The following CYS1 variants were observed in gnomAD, a reference collection of about 807,000 sequenced individuals.
The protein encoded by CYS1 is cystin-1.
Under a neutral mutation model 9.6 loss-of-function variants are expected in CYS1, and 5 were observed. That is an observed-to-expected ratio of 0.52 (90% CI 0.27 to 1.10). The LOEUF is 1.10. CYS1 is among the 50% of genes least tolerant of loss of function. The probability of loss-of-function intolerance (pLI) is 0.11; values close to 1 mark genes in which losing one functional copy is unlikely to be tolerated. For synonymous variants in CYS1, 88 were observed against 95.7 expected (o/e 0.92, Z 0.47); for missense variants, 221 against 207.9 (o/e 1.06, Z -0.39).
Position 10,076,073 on chromosome 2 carries a change from C to T in CYS1, c.318+3833G>A, listed in dbSNP as rs1043261245. 2.0e-5 allele frequency among the ~76,000 whole-genome samples: 3 copies of T among 152,132 alleles called. No homozygotes were observed. Among genetic ancestry groups the T allele is most frequent in the African/African-American group, 7.2e-5 (3 of 41,410 alleles). ...GCGTGGTGGCATGCTCCTATAGTCC[C>T]AGCTACTCGGGATGCTGAGACAGGA... On this transcript the variant is annotated intron_variant, in intron 1 of 2. Transcript: ENST00000381813. The surrounding 1 kb of genome is among the most constrained non-coding windows in gnomAD (Gnocchi z 4.3).
intron 2 of CYS1, among the ~76,000 whole-genome samples, chr2:10,065,655 C>T (rs945548107): frequency 1.3e-5 from 2 of 152,236 alleles, no homozygotes; most frequent in African/African-American, 2.4e-5. Context: ...GTTGGGCATG[C>T]CCTGGTCTGA....
At chr2:10,077,798 A>G (rs554943994) in intron 1 of CYS1, among the ~76,000 whole-genome samples, 1 of 152,216 alleles carries the variant, frequency 6.6e-6, no homozygotes, top group South Asian at 2.1e-4. Flanking sequence ...TATTCAAGAA[A>G]TATTTATGGT....
intron 1 of CYS1, among the ~76,000 whole-genome samples, chr2:10,075,270 G>A (rs148437269): frequency 2.0e-5 from 3 of 152,364 alleles, no homozygotes; most frequent in African/African-American, 4.8e-5. Flanking sequence ...TGCCTCGGGT[G>A]GGATTCCCAC....
chr2:10,079,828 C>T (rs1322822882), intron 1 of CYS1, 78 bp downstream of exon 1: 13 of 942,378 alleles, frequency 1.4e-5, no homozygotes, highest in Non-Finnish European at 1.7e-5. Context: ...CGACCGGCGC[C>T]CAGGGCTGGG....
At chr2:10,079,446 G>A (rs960898875) in intron 1 of CYS1, among the ~76,000 whole-genome samples, 2 of 152,234 alleles carry the variant, frequency 1.3e-5, no homozygotes, top group Admixed American at 6.5e-5. Flanking sequence ...AATAGGAAGC[G>A]CAAAAGAGAT....
rs555897665 is a variant in CYS1 at position 10,063,248 on chromosome 2, G to A, written c.371+2656C>T. 6.6e-5 allele frequency among the ~76,000 whole-genome samples: 10 copies of A among 152,322 alleles called. No individual in the cohort carries two copies. The highest frequency in any genetic ancestry group is 2.4e-4 in the African/African-American group (10 of 41,576). On this transcript the variant is annotated intron_variant, in intron 2 of 2. Transcript: ENST00000381813. This position sits in a 1 kb window ranked among gnomAD's most constrained non-coding sequence, Gnocchi z 4.2. ...GATGAGGCCTGGAGAGAAGAGAGGGGACAGGGCAGGACCACATCACGTGGA... is the reference window on the plus strand; with the variant it reads ...GATGAGGCCTGGAGAGAAGAGAGGGAACAGGGCAGGACCACATCACGTGGA...
At chr2:10,078,874 C>T (rs1016597444) in intron 1 of CYS1, among the ~76,000 whole-genome samples, 2 of 152,204 alleles carry the variant, frequency 1.3e-5, no homozygotes, top group African/African-American at 4.8e-5. Context: ...AACATTCACT[C>T]TTGCTATTTG....
chr2:10,069,518 G>A (rs1271369913), intron 1 of CYS1, among the ~76,000 whole-genome samples: 2 of 151,990 alleles, frequency 1.3e-5, no homozygotes, highest in African/African-American at 2.4e-5. Flanking sequence ...ACAGGTGCGT[G>A]CCACCACGCC....
At position 10,063,184 on chromosome 2, in the gene CYS1, G is replaced by T. The variant is rs567195416; in HGVS notation, c.371+2720C>A. On this transcript the variant is annotated intron_variant, in intron 2 of 2. Transcript: ENST00000381813. The surrounding 1 kb of genome is among the most constrained non-coding windows in gnomAD (Gnocchi z 4.2). ...TCTATGAAATGCTACCATGTGCCTGGAGCTATGAGGGCCCAGAGGCGAATC... is the reference window on the plus strand; with the variant it reads ...TCTATGAAATGCTACCATGTGCCTGTAGCTATGAGGGCCCAGAGGCGAATC... 1.3e-5 allele frequency among the ~76,000 whole-genome samples: 2 copies of T among 152,324 alleles called. No individual in the cohort carries two copies. Among genetic ancestry groups the T allele is most frequent in the South Asian group, 4.1e-4 (2 of 4,832 alleles).
At chr2:10,067,903 C>T (rs1405671543) in intron 1 of CYS1, among the ~76,000 whole-genome samples, 1 of 152,140 alleles carries the variant, frequency 6.6e-6, no homozygotes, top group African/African-American at 2.4e-5. Context: ...TCCAGTAGTA[C>T]AGTAAAAGGA....
At chr2:10,070,275 T>C (rs1379840132) in intron 1 of CYS1, among the ~76,000 whole-genome samples, 1 of 152,200 alleles carries the variant, frequency 6.6e-6, no homozygotes, top group Non-Finnish European at 1.5e-5. Flanking sequence ...CAGTACCCTC[T>C]GATGGGTGTG....
chr2:10,080,167 C>T lies in CYS1; in HGVS notation c.57G>A (p.Glu19=). ...SRTLRRRRSP[E]SLPAGPGAAA... is the part of the protein sequence containing the mutation. ...CCGCTCCGGGCCCCGCGGGGAGGCT[C>T]TCGGGGCTGCGCCGCCGCCTCAGAG... Residue 19 remains glutamate (E), a synonymous_variant, in exon 1 of 3, where the codon GAG becomes GAA. Transcript: ENST00000381813. The surrounding 1 kb of genome is among the most constrained non-coding windows in gnomAD (Gnocchi z 6.4). The T allele has an allele frequency of 9.4e-7, 1 of 1,064,070 alleles. No individual in the cohort carries two copies. The highest frequency in any genetic ancestry group is 1.1e-6 in the Non-Finnish European group (1 of 882,890). 65.9% of individuals were successfully genotyped at this position (1,064,070 alleles called of 1,614,324 possible).
chr2:10,067,514 C>A (rs1661714419), intron 1 of CYS1, among the ~76,000 whole-genome samples: 1 of 151,104 alleles, frequency 6.6e-6, no homozygotes, highest in Non-Finnish European at 1.5e-5. Context: ...CTCAAGCAAC[C>A]CTCCCATGTC....
intron 1 of CYS1, among the ~76,000 whole-genome samples, chr2:10,075,612 C>T (rs973843736): frequency 3.9e-5 from 6 of 152,208 alleles, no homozygotes; most frequent in African/African-American, 7.2e-5. Flanking sequence ...GCTCTCTTTA[C>T]ACCGTGAGTT....
intron 1 of CYS1, among the ~76,000 whole-genome samples, chr2:10,079,165 C>G (rs1352686153): frequency 1.3e-5 from 2 of 152,124 alleles, no homozygotes; most frequent in East Asian, 3.9e-4. Flanking sequence ...TGTCCCTCTC[C>G]CCCACCCTCC....
chr2:10,058,732 G>GA lies in CYS1; in HGVS notation c.*120dup. On this transcript the variant is annotated 3_prime_UTR_variant, in exon 3 of 3. Coordinates refer to ENST00000381813, the MANE Select transcript of CYS1 (RefSeq NM_001037160.3). The stretch of plus-strand genomic sequence containing the variant: ...AAAGTGGATTTGAAAGGGCAGCTTT[G>GA]AATATCCGGGAGTGACTGCGTTTTG... The GA allele has an allele frequency of 1.2e-6, 1 of 818,852 alleles. No homozygotes were observed. Among genetic ancestry groups the GA allele is most frequent in the South Asian group, 1.9e-5 (1 of 51,382 alleles). The allele number at this position is 818,852 out of a possible 1,614,324, so 50.7% of individuals were successfully genotyped here.
chr2:10,060,963 C>T (rs1313677766), intron 2 of CYS1, among the ~76,000 whole-genome samples: 1 of 152,230 alleles, frequency 6.6e-6, no homozygotes, highest in Non-Finnish European at 1.5e-5. Context: ...GGCGCAGTGG[C>T]TCATGCCTAT....
In CYS1 at chr2:10,065,934, T is replaced by G. The variant is rs145751380; in HGVS notation, c.341A>C (p.Glu114Ala). ...GSAVCAEQST[E>A]GHPGSGNVSE... ...GACATTGCCGCTCCCCGGGTGGCCCTCTGTGCTCTGCTCTGCGCACACCTT... is the reference window on the plus strand; with the variant it reads ...GACATTGCCGCTCCCCGGGTGGCCCGCTGTGCTCTGCTCTGCGCACACCTT... The change falls in exon 2 of 3, where the codon GAG (glutamate) becomes GCG (alanine). Residue 114 changes from glutamate (E) to alanine (A), a missense_variant. Transcript: ENST00000381813. The G allele has an allele frequency of 6.2e-7, 1 of 1,614,232 alleles. No homozygotes were observed. Among genetic ancestry groups the G allele is most frequent in the South Asian group, 1.1e-5 (1 of 91,086 alleles).
intron 1 of CYS1, among the ~76,000 whole-genome samples, chr2:10,066,529 C>T (rs773392263): frequency 6.6e-6 from 1 of 152,358 alleles, no homozygotes; most frequent in East Asian, 1.9e-4. Context: ...ATGTGGCTGC[C>T]GTGGATTCTA....
Sources: gnomAD v4.1 joint callset for allele counts (sites outside exome capture counted in the v4.1 genomes callset) on GRCh38, gnomAD v4.1.1 for gene constraint, Gnocchi (gnomAD v3.1) non-coding constraint, MANE v1.5 for transcripts, NCBI Gene and HGNC (gene_info 2026-07-23, HGNC 2026-07-21) for gene names.